Variants in SHCBP1L observed in about 807,000 individuals in gnomAD.
The protein encoded by SHCBP1L is SHC binding and spindle associated 1 like.
A neutral mutation model predicts 62.5 loss-of-function variants in SHCBP1L; 67 were observed. The observed-to-expected ratio is 1.07, with a 90% confidence interval of 0.88 to 1.31. The LOEUF is 1.31. Among genes scored for constraint, SHCBP1L ranks in the 40% most tolerant of loss-of-function variants. SHCBP1L has a pLI of 0.00. For synonymous variants in SHCBP1L, 284 were observed against 289.4 expected (o/e 0.98, Z 0.19); for missense variants, 823 against 809.8 (o/e 1.02, Z -0.20).
chr1:182,916,497 C>A (rs1474006473), intron 6 of SHCBP1L, among the ~76,000 whole-genome samples: 1 of 151,828 alleles, frequency 6.6e-6, no homozygotes, highest in African/African-American at 2.4e-5. Context: ...CAACTAAAAT[C>A]AGATATGAAG....
intron 8 of SHCBP1L, among the ~76,000 whole-genome samples, 164 bp from the exon 9 acceptor site, chr1:182,903,325 A>T (rs1387682439): frequency 1.3e-5 from 2 of 152,214 alleles, no homozygotes; most frequent in African/African-American, 4.8e-5. Flanking sequence ...GATAATATTT[A>T]AAAATATTGA....
At chr1:182,947,208 G>T (rs894747778) in intron 2 of SHCBP1L, among the ~76,000 whole-genome samples, 12 of 142,692 alleles carry the variant, frequency 8.4e-5, no homozygotes, top group East Asian at 6.2e-4. Context: ...TGGTACTCCA[G>T]CCTGGGTGAC....
chr1:182,908,617 T>C (rs1557990618), intron 6 of SHCBP1L, among the ~76,000 whole-genome samples: 1 of 152,236 alleles, frequency 6.6e-6, no homozygotes, highest in Non-Finnish European at 1.5e-5. Flanking sequence ...AACAGATATA[T>C]TACAACTCAT....
intron 5 of SHCBP1L, among the ~76,000 whole-genome samples, chr1:182,931,119 C>G (rs1179880595): frequency 6.6e-6 from 1 of 152,036 alleles, no homozygotes; most frequent in African/African-American, 2.4e-5. Flanking sequence ...TTATTAAAAA[C>G]TGAATTTAAA....
chr1:182,910,510 C>A (rs138084410), intron 6 of SHCBP1L, among the ~76,000 whole-genome samples: 1 of 152,208 alleles, frequency 6.6e-6, no homozygotes, highest in East Asian at 1.9e-4. Flanking sequence ...GTTGGAGTGG[C>A]TTTCCCTTTG....
intron 2 of SHCBP1L, among the ~76,000 whole-genome samples, chr1:182,946,488 T>C (rs747838573): frequency 1.6e-4 from 25 of 152,158 alleles, no homozygotes; most frequent in Non-Finnish European, 2.8e-4. Context: ...GCCTGTGTTC[T>C]AGAAGCAGAG....
intron 2 of SHCBP1L, among the ~76,000 whole-genome samples, chr1:182,943,750 G>A (rs1446685196): frequency 2.0e-5 from 3 of 151,686 alleles, no homozygotes; most frequent in African/African-American, 7.3e-5. Context: ...ACCTGGCCTG[G>A]CCTAGTTTTG....
At chr1:182,927,395 G>T (rs138621422) in intron 6 of SHCBP1L, among the ~76,000 whole-genome samples, 1,521 of 152,082 alleles carry the variant, frequency 0.01, 22 homozygotes, top group African/African-American at 0.032. Context: ...CACAGCAGCC[G>T]GGCGCGGTGG....
Position 182,953,099 on chromosome 1 carries a change from T to A in SHCBP1L, c.35A>T (p.Asp12Val). The A allele has an allele frequency of 6.4e-7, 1 of 1,570,808 alleles. No individual in the cohort carries two copies. Residue 12 changes from aspartate to valine, a missense_variant, in exon 1 of 10, where the codon GAC becomes GTC. Coordinates refer to ENST00000367547, the MANE Select transcript of SHCBP1L (RefSeq NM_030933.4). ...ASGSKASVPA[D>V]SFRTISPDRR... Reference sequence around the variant, plus strand: ...GTCCGGGCTGATGGTGCGGAATGAGTCCGCGGGCACCGAGGCCTTGGAGCC... The same window carrying A: ...GTCCGGGCTGATGGTGCGGAATGAGACCGCGGGCACCGAGGCCTTGGAGCC...
At chr1:182,915,974 T>C (rs1335070856) in intron 6 of SHCBP1L, among the ~76,000 whole-genome samples, 1 of 151,970 alleles carries the variant, frequency 6.6e-6, no homozygotes, top group Non-Finnish European at 1.5e-5. Flanking sequence ...GCCCGGCTAA[T>C]TTTTTGTATT....
Position 182,941,812 on chromosome 1 carries a change from C to T in SHCBP1L, c.556-1269G>A, listed in dbSNP as rs938456607. ...TGTATTATAGGATATAAAAACTAAC[C>T]CCCCACCTATGGAATGTTAAGCTGA... is the stretch of plus-strand genomic sequence containing the variant. On this transcript the variant is annotated intron_variant, in intron 2 of 9. Transcript: ENST00000367547. Among the ~76,000 whole-genome samples, 3 of 152,200 alleles carry T rather than the reference C, an allele frequency of 2.0e-5. No individual in the cohort carries two copies. The East Asian group carries it at 5.8e-4, about 29-fold the overall frequency.
At chr1:182,906,238 G>GT in intron 6 of SHCBP1L, among the ~76,000 whole-genome samples, 1 of 150,080 alleles carries the variant, frequency 6.7e-6, no homozygotes, top group South Asian at 2.1e-4. Context: ...GCCCGGCAAC[G>GT]TAAGTATTAT....
At chr1:182,952,191 AAT>A (rs869051143) in intron 1 of SHCBP1L, among the ~76,000 whole-genome samples, 597 of 24,182 alleles carry the variant, frequency 0.025, 14 homozygotes, top group Non-Finnish European at 0.034. Context: ...AAAAAAAAAA[AAT>A]ATATATATAT....
chr1:182,929,763 A>G lies in SHCBP1L; in HGVS notation c.1077-11T>C. 6.6e-7 allele frequency: 1 copy of G among 1,517,134 alleles called. No homozygotes were observed. The highest frequency in any genetic ancestry group is 8.9e-7 in the Non-Finnish European group (1 of 1,120,142). The allele number at this position is 1,517,134 out of a possible 1,614,324, so 94.0% of individuals were successfully genotyped here. A position where few individuals can be genotyped will look rare whatever the true frequency, so the allele number is the denominator to read the frequency against. On this transcript the variant is annotated splice_polypyrimidine_tract_variant and intron_variant, in intron 5 of 9. Coordinates refer to ENST00000367547, the MANE Select transcript of SHCBP1L (RefSeq NM_030933.4). ...AAAGGTCCATGAACTCTATAGTTGA[A>G]AATATTTAGTTATAATTAAATTAAC...
chr1:182,910,481 AT>A (rs1226948207), intron 6 of SHCBP1L, among the ~76,000 whole-genome samples: 3 of 145,648 alleles, frequency 2.1e-5, no homozygotes, highest in South Asian at 2.1e-4. Context: ...GAAAGATGAT[AT>A]TTTTTTTCAC....
chr1:182,926,435 T>G (rs1252439742), intron 6 of SHCBP1L, among the ~76,000 whole-genome samples: 3 of 152,186 alleles, frequency 2.0e-5, no homozygotes, highest in Admixed American at 1.3e-4. Flanking sequence ...GTAATAATAA[T>G]ATCAGTTGAC....
intron 5 of SHCBP1L, among the ~76,000 whole-genome samples, chr1:182,937,110 C>T (rs1651206237): frequency 6.6e-6 from 1 of 151,464 alleles, no homozygotes; most frequent in Non-Finnish European, 1.5e-5. Flanking sequence ...TTTATTTTAC[C>T]TTTATTCCTT....
chr1:182,947,884 C>T (rs1327506331), intron 2 of SHCBP1L, among the ~76,000 whole-genome samples: 2 of 152,042 alleles, frequency 1.3e-5, no homozygotes, highest in Non-Finnish European at 2.9e-5. Context: ...GCTATGTTGC[C>T]CAGGTTAGTC....
chr1:182,926,512 C>G (rs1244221329), intron 6 of SHCBP1L, among the ~76,000 whole-genome samples: 1 of 152,150 alleles, frequency 6.6e-6, no homozygotes, highest in Non-Finnish European at 1.5e-5. Flanking sequence ...GCCTAACACT[C>G]TATGGGACAG....
Sources: gnomAD v4.1 joint callset for allele counts (sites outside exome capture counted in the v4.1 genomes callset) on GRCh38, gnomAD v4.1.1 for gene constraint, MANE v1.5 for transcripts, NCBI Gene and HGNC (gene_info 2026-07-23, HGNC 2026-07-21) for gene names.